ELAPOR2: variants seen among roughly 807,000 people sequenced by gnomAD.
The protein encoded by ELAPOR2 is endosome/lysosome-associated apoptosis and autophagy regulator family member 2.
A neutral mutation model predicts 120.7 loss-of-function variants in ELAPOR2; 89 were observed. The observed-to-expected ratio is 0.74, with a 90% confidence interval of 0.62 to 0.88. The LOEUF (loss-of-function observed/expected upper bound fraction) is 0.88, where lower values mean the gene tolerates loss of function less well. Ranked by LOEUF, ELAPOR2 falls within the 40% of genes least tolerant of loss-of-function variation. The pLI, the probability that ELAPOR2 is intolerant of heterozygous loss-of-function variation, is 0.00. For missense variants in ELAPOR2, 1,134 were observed against 1,251.6 expected, an observed-to-expected ratio of 0.91 and a Z score of 1.42; for synonymous variants, 444 against 444.9, an observed-to-expected ratio of 1.00 and a Z score of 0.03.
chr7:86,921,521 C>CAG (rs977727600), intron 10 of ELAPOR2, among the ~76,000 whole-genome samples: 20 of 152,040 alleles, frequency 1.3e-4, no homozygotes, highest in African/African-American at 4.6e-4. Flanking sequence ...CTAAAGGCTT[C>CAG]AGAGAGAACA....
chr7:87,041,794 C>G (rs1334466009), intron 1 of ELAPOR2, among the ~76,000 whole-genome samples: 2 of 151,748 alleles, frequency 1.3e-5, no homozygotes, highest in Non-Finnish European at 2.9e-5. Context: ...ACTAAATGCT[C>G]TAATTAAAAG....
intron 18 of ELAPOR2, among the ~76,000 whole-genome samples, chr7:86,906,867 A>G (rs932260475): frequency 2.6e-5 from 4 of 151,956 alleles, no homozygotes; most frequent in African/African-American, 7.2e-5. Context: ...CCATCTCTAC[A>G]AAAAATTTAA....
At chr7:87,015,930 A>G (rs1437518986) in intron 1 of ELAPOR2, among the ~76,000 whole-genome samples, 5 of 152,112 alleles carry the variant, frequency 3.3e-5, no homozygotes, top group African/African-American at 7.2e-5. Flanking sequence ...CAGTTTCTTA[A>G]TTAAAGCACT....
chr7:86,969,887 AAGG>A (rs1450206748), intron 1 of ELAPOR2, among the ~76,000 whole-genome samples: 2 of 152,180 alleles, frequency 1.3e-5, no homozygotes, highest in Non-Finnish European at 2.9e-5. Context: ...AAAAGGCTTT[AAGG>A]AGAAGACCCT....
intron 1 of ELAPOR2, among the ~76,000 whole-genome samples, chr7:86,982,841 C>T (rs1792556985): frequency 6.6e-6 from 1 of 152,188 alleles, no homozygotes; most frequent in Non-Finnish European, 1.5e-5. Flanking sequence ...CTGACTTTGA[C>T]AAGCTGACAG....
intron 1 of ELAPOR2, among the ~76,000 whole-genome samples, chr7:86,987,994 A>C (rs933602182): frequency 6.6e-6 from 1 of 152,218 alleles, no homozygotes; most frequent in Non-Finnish European, 1.5e-5. Context: ...TGGCACATAT[A>C]CACCATGGAA....
intron 2 of ELAPOR2, among the ~76,000 whole-genome samples, chr7:86,949,529 G>A (rs1290215791): frequency 6.6e-6 from 1 of 152,154 alleles, no homozygotes; most frequent in Non-Finnish European, 1.5e-5. Flanking sequence ...GAGCAGGCAG[G>A]AGCTCCACCA....
rs556737809 is a variant in ELAPOR2, at chr7:86,914,401, A to G, written c.1731+322T>C. On this transcript the variant is annotated intron_variant, in intron 13 of 21. Coordinates refer to ENST00000450689, the MANE Select transcript of ELAPOR2 (RefSeq NM_001142749.3). ...GATGAAGAAAGTTGCCCATCTTCAC[A>G]AAGCCTCAGAAAGCTTTAAAAACAA... Among the ~76,000 whole-genome samples, 20 of 152,328 alleles carry G rather than the reference A, an allele frequency of 1.3e-4. No homozygotes were observed. The East Asian group carries it at 2.1e-3, about 16-fold the overall frequency.
chr7:86,888,233 C>T (rs1386138155), intron 21 of ELAPOR2, among the ~76,000 whole-genome samples: 2 of 151,994 alleles, frequency 1.3e-5, no homozygotes, highest in Admixed American at 6.6e-5. Flanking sequence ...CTATAAAATG[C>T]CTTTATCCCT....
chr7:86,940,386 C>G (rs1352635366), intron 5 of ELAPOR2, among the ~76,000 whole-genome samples: 1 of 151,970 alleles, frequency 6.6e-6, no homozygotes, highest in African/African-American at 2.4e-5. Flanking sequence ...GATTCTCAAA[C>G]CATCTGCATG....
At chr7:86,953,339 C>G (rs1174042706) in intron 2 of ELAPOR2, among the ~76,000 whole-genome samples, 2 of 152,114 alleles carry the variant, frequency 1.3e-5, no homozygotes, top group Admixed American at 1.3e-4. Context: ...AGACACCTGT[C>G]AAAGGAAGAA....
At chr7:87,020,303 C>A (rs757376945) in intron 1 of ELAPOR2, among the ~76,000 whole-genome samples, 4 of 151,966 alleles carry the variant, frequency 2.6e-5, no homozygotes, top group African/African-American at 9.7e-5. Context: ...TCAGAAGAAA[C>A]TATTATTAAT....
At chr7:87,000,058 C>G (rs1429523432) in intron 1 of ELAPOR2, among the ~76,000 whole-genome samples, 1 of 152,084 alleles carries the variant, frequency 6.6e-6, no homozygotes, top group Non-Finnish European at 1.5e-5. Context: ...ATAACCAAAG[C>G]AAAACGCTGC....
chr7:86,963,185 A>G (rs971017135), intron 2 of ELAPOR2, among the ~76,000 whole-genome samples: 1 of 152,218 alleles, frequency 6.6e-6, no homozygotes, highest in African/African-American at 2.4e-5. Flanking sequence ...GCAAGTAATA[A>G]CTAATAGTGA....
chr7:87,022,193 A>C (rs940425180), intron 1 of ELAPOR2, among the ~76,000 whole-genome samples: 24 of 151,528 alleles, frequency 1.6e-4, no homozygotes, highest in African/African-American at 5.3e-4. Context: ...CTCGTCATTT[A>C]ACATTAGTTA....
At chr7:87,033,139 A>C (rs1794473490) in intron 1 of ELAPOR2, among the ~76,000 whole-genome samples, 1 of 152,100 alleles carries the variant, frequency 6.6e-6, no homozygotes, top group Non-Finnish European at 1.5e-5. Flanking sequence ...GAGGTAGTGG[A>C]GTTCAGTGGA....
chr7:86,919,564 T>C, intron 10 of ELAPOR2: 1 of 299,370 alleles, frequency 3.3e-6, no homozygotes, highest in Non-Finnish European at 6.2e-6. Flanking sequence ...CAATGAAGCA[T>C]GATTTGTATT....
Position 87,008,302 on chromosome 7 carries a change from A to G in ELAPOR2, c.190-43278T>C, listed in dbSNP as rs139859234. ...ATCTATACTTTTCAGAAGTATCAAC[A>G]TCAAGAAAGACGTAACTGAAGAACT... On this transcript the variant is annotated intron_variant, in intron 1 of 21. Coordinates refer to ENST00000450689, the MANE Select transcript of ELAPOR2 (RefSeq NM_001142749.3). Among the ~76,000 whole-genome samples the G allele has an allele frequency of 5.7e-3, 869 of 152,312 alleles. 5 individuals carry two copies. Among genetic ancestry groups the G allele is most frequent in the African/African-American group, 0.019 (781 of 41,572 alleles).
rs375616714 is a variant in ELAPOR2 at position 86,958,379 on chromosome 7, A to C, written c.310+6525T>G. Among the ~76,000 whole-genome samples, 38 of 152,294 alleles carry C rather than the reference A, an allele frequency of 2.5e-4. 1 individual carries two copies. The South Asian group carries it at 7.5e-3, about 30-fold the overall frequency. On this transcript the variant is annotated intron_variant, in intron 2 of 21. Coordinates refer to ENST00000450689, the MANE Select transcript of ELAPOR2 (RefSeq NM_001142749.3). ...GGCATATAGCAAGTAAAGATTGGCT[A>C]TTATTTTTTATTATTATTTTAGTCA...
Sources: allele counts gnomAD v4.1 joint callset (sites outside exome capture counted in the v4.1 genomes callset), GRCh38; gene constraint gnomAD v4.1.1; transcripts MANE v1.5; gene names NCBI Gene and HGNC (gene_info 2026-07-23, HGNC 2026-07-21).